PDE8B: variants seen among roughly 807,000 people sequenced by gnomAD.
PDE8B encodes the protein high affinity cAMP-specific and IBMX-insensitive 3',5'-cyclic phosphodiesterase 8B.
In PDE8B, 26 loss-of-function variants were observed where a neutral mutation model predicts 101.3. The ratio of observed to expected loss-of-function variants is 0.26; its 90% CI spans 0.19 to 0.36. PDE8B has a LOEUF of 0.36. PDE8B is among the 10% of genes least tolerant of loss of function. The probability of loss-of-function intolerance (pLI) is 1.00; values close to 1 mark genes in which losing one functional copy is unlikely to be tolerated. For missense variants in PDE8B, 810 were observed against 1,163.1 expected (o/e 0.70, Z 4.42); for synonymous variants, 424 against 429.3 (o/e 0.99, Z 0.15).
chr5:77,306,833 G>A (rs1414322863), intron 1 of PDE8B, among the ~76,000 whole-genome samples: 1 of 152,166 alleles, frequency 6.6e-6, no homozygotes, highest in African/African-American at 2.4e-5. Flanking sequence ...GGGTTGTATC[G>A]TGGAGTTCCC....
chr5:77,177,700 A>G, the PDE8B span, among the ~76,000 whole-genome samples: 1 of 152,226 alleles, frequency 6.6e-6, no homozygotes, highest in East Asian at 1.9e-4. Flanking sequence ...CTGGAATACC[A>G]CAACAGTAAA....
At chr5:77,252,510 G>A (rs190695728) in intron 1 of PDE8B, among the ~76,000 whole-genome samples, 3 of 152,240 alleles carry the variant, frequency 2.0e-5, no homozygotes, top group East Asian at 1.9e-4. Flanking sequence ...TATTGGGCAC[G>A]TTGGTCCTAA....
chr5:77,420,021 G>T, intron 19 of PDE8B, 134 bp downstream of exon 19: 1 of 1,004,262 alleles, frequency 1.0e-6, no homozygotes, highest in Non-Finnish European at 1.5e-6. Flanking sequence ...GGGCTGAAAG[G>T]ACTGGCCACT....
intron 1 of PDE8B, chr5:77,291,039 G>A (rs1767211166): frequency 3.1e-6 from 5 of 1,611,970 alleles, no homozygotes; most frequent in Non-Finnish European, 4.2e-6. Context: ...GGCCCTGATG[G>A]TGCAGGAGAG....
At chr5:77,124,960 C>T in the PDE8B span, among the ~76,000 whole-genome samples, 2 of 152,272 alleles carry the variant, frequency 1.3e-5, no homozygotes, top group African/African-American at 4.8e-5. Flanking sequence ...CTAAATTCTT[C>T]ACACCTGTTA....
chr5:77,387,129 C>T (rs182664831), intron 10 of PDE8B, among the ~76,000 whole-genome samples: 93 of 151,914 alleles, frequency 6.1e-4, no homozygotes, highest in African/African-American at 2.1e-3. Context: ...ATGATCCACC[C>T]GCCTCGGCCG....
chr5:77,232,270 CT>C (rs1753732337), intron 1 of PDE8B, among the ~76,000 whole-genome samples: 1 of 152,202 alleles, frequency 6.6e-6, no homozygotes, highest in Non-Finnish European at 1.5e-5. Context: ...TATGAAGTCT[CT>C]TAAACTTTGT....
At chr5:77,187,414 G>T in the PDE8B span, among the ~76,000 whole-genome samples, 106 of 152,164 alleles carry the variant, frequency 7.0e-4, no homozygotes, top group African/African-American at 2.5e-3. Context: ...GTGCAAAGGG[G>T]TTACCTCTTA....
chr5:77,154,113 A>G, the PDE8B span, among the ~76,000 whole-genome samples: 5 of 152,216 alleles, frequency 3.3e-5, no homozygotes, highest in African/African-American at 1.2e-4. Flanking sequence ...ACAAAACCCT[A>G]AAGAATTTCA....
chr5:77,405,635 G>C (rs1793267688), intron 12 of PDE8B, among the ~76,000 whole-genome samples: 1 of 152,094 alleles, frequency 6.6e-6, no homozygotes, highest in African/African-American at 2.4e-5. Flanking sequence ...CATAGTCTCA[G>C]CCAGGGGGTG....
intron 1 of PDE8B, among the ~76,000 whole-genome samples, chr5:77,266,655 A>C (rs111342336): frequency 8.1e-4 from 124 of 152,300 alleles, no homozygotes; most frequent in African/African-American, 2.9e-3. Flanking sequence ...CTGTGACCAG[A>C]GGCTCACAGG....
chr5:77,311,843 C>T (rs1772700106), intron 1 of PDE8B, 151 bp from the exon 2 acceptor site: 3 of 773,040 alleles, frequency 3.9e-6, no homozygotes, highest in Admixed American at 1.7e-5. Flanking sequence ...TATACATATA[C>T]ATCATGCTTG....
At chr5:77,345,072 GA>G in intron 7 of PDE8B, 141 bp downstream of exon 7, 1 of 709,844 alleles carries the variant, frequency 1.4e-6, no homozygotes, top group Non-Finnish European at 2.6e-6. Flanking sequence ...GCTGTGCAAA[GA>G]ATACTGATAG....
chr5:77,295,997 A>G (rs556655343), intron 1 of PDE8B, among the ~76,000 whole-genome samples: 111 of 152,300 alleles, frequency 7.3e-4, no homozygotes, highest in Non-Finnish European at 1.4e-3. Context: ...AAATCCTGGG[A>G]TAAACTGAGT....
rs536976901 is a variant in PDE8B at position 77,344,015 on chromosome 5, C to T, written c.798-838C>T. On this transcript the variant is annotated intron_variant, in intron 6 of 21. Coordinates refer to ENST00000264917, the MANE Select transcript of PDE8B (RefSeq NM_003719.5). ...TGTCCCACTGGAAGGTCCTCAGGGG[C>T]AATAACACACATGGAGCTGTCACCT... 2.0e-5 allele frequency among the ~76,000 whole-genome samples: 3 copies of T among 152,162 alleles called. No homozygotes were observed. The East Asian group carries it at 5.8e-4, about 29-fold the overall frequency.
At chr5:77,339,352 T>C (rs527880400) in intron 6 of PDE8B, among the ~76,000 whole-genome samples, 2 of 152,340 alleles carry the variant, frequency 1.3e-5, no homozygotes, top group East Asian at 3.9e-4. Flanking sequence ...AAGGTTTGCC[T>C]GGCACAGAGA....
At chr5:77,228,657 A>G (rs1230669040) in intron 1 of PDE8B, among the ~76,000 whole-genome samples, 6 of 152,192 alleles carry the variant, frequency 3.9e-5, no homozygotes, top group Non-Finnish European at 7.3e-5. Context: ...TGTGTAAACC[A>G]TGTGTGGAAG....
chr5:77,332,636 G>A (rs1317366365), intron 5 of PDE8B, among the ~76,000 whole-genome samples: 2 of 152,238 alleles, frequency 1.3e-5, no homozygotes, highest in African/African-American at 2.4e-5. Flanking sequence ...TTGGGAGTTC[G>A]AGACCAGCCT....
rs59393259 is a variant in PDE8B, at chr5:77,386,865, C to CTTTTTTTTTTTTTTT, written c.1168-13368_1168-13354dup. 3.5e-4 allele frequency among the ~76,000 whole-genome samples: 18 copies of CTTTTTTTTTTTTTTT among 51,080 alleles called. 3 individuals carry two copies. Among genetic ancestry groups the CTTTTTTTTTTTTTTT allele is most frequent in the East Asian group, 7.9e-4 (1 of 1,260 alleles). 33.5% of individuals were successfully genotyped at this position (51,080 alleles called of 152,430 possible). ...TTTTGCCTGTTAGTTGATGTAGTTT[C>CTTTTTTTTTTTTTTT]TTTTTTTTTTTTTTTTTTTTTTTTT... On this transcript the variant is annotated intron_variant, in intron 10 of 21. Transcript: ENST00000264917.
Sources: gnomAD v4.1 joint callset for allele counts (sites outside exome capture counted in the v4.1 genomes callset) on GRCh38, gnomAD v4.1.1 for gene constraint, MANE v1.5 for transcripts, NCBI Gene and HGNC (gene_info 2026-07-23, HGNC 2026-07-21) for gene names.